The following L3MBTL4 variants were observed in gnomAD, a reference collection of about 807,000 sequenced individuals.
The protein encoded by L3MBTL4 is L3MBTL histone methyl-lysine binding protein 4.
In L3MBTL4, 70 loss-of-function variants were observed where a neutral mutation model predicts 84.5. The observed-to-expected ratio is 0.83, with a 90% confidence interval of 0.68 to 1.01. The LOEUF (loss-of-function observed/expected upper bound fraction) is 1.01. Among genes scored for constraint, L3MBTL4 ranks in the 50% least tolerant of loss-of-function variants. L3MBTL4 has a pLI of 0.00. For missense variants in L3MBTL4, 715 were observed against 754.8 expected (o/e 0.95, Z 0.62); for synonymous variants, 274 against 259.8 (o/e 1.05, Z -0.52).
At chr18:6,247,363 C>T (rs1404912096) in intron 5 of L3MBTL4, among the ~76,000 whole-genome samples, 2 of 151,362 alleles carry the variant, frequency 1.3e-5, no homozygotes, top group South Asian at 2.1e-4. Context: ...TACGAGTTGA[C>T]GAGCCTCTTC....
intron 16 of L3MBTL4, among the ~76,000 whole-genome samples, chr18:6,072,865 C>CAAAAA (rs71370542): frequency 3.3e-4 from 1 of 3,066 alleles, no homozygotes; most frequent in Non-Finnish European, 3.8e-4. Flanking sequence ...GACTCCGTCT[C>CAAAAA]AAAAAAAAAA....
Position 6,137,557 on chromosome 18 carries a change from A to G in L3MBTL4, c.1199+637T>C, listed in dbSNP as rs375426859. ...ATATTTGTGTATTTGAACAAATTTGATATTAATTCTTTCAGTCTTAATTTA... is the reference window on the plus strand; with the variant it reads ...ATATTTGTGTATTTGAACAAATTTGGTATTAATTCTTTCAGTCTTAATTTA... On this transcript the variant is annotated intron_variant, in intron 14 of 18. Transcript: ENST00000317931. 1.4e-4 allele frequency among the ~76,000 whole-genome samples: 21 copies of G among 152,280 alleles called. No homozygotes were observed. In the East Asian group the frequency reaches 4.0e-3, roughly 29 times the overall value.
At chr18:5,989,535 T>C (rs1011120610) in intron 16 of L3MBTL4, among the ~76,000 whole-genome samples, 2 of 152,176 alleles carry the variant, frequency 1.3e-5, no homozygotes, top group South Asian at 4.1e-4. Flanking sequence ...TCCACAGATG[T>C]AAAACCATTG....
At chr18:6,008,632 C>A (rs981176452) in intron 16 of L3MBTL4, among the ~76,000 whole-genome samples, 1 of 152,148 alleles carries the variant, frequency 6.6e-6, no homozygotes, top group Admixed American at 6.5e-5. Flanking sequence ...CACATCTGAA[C>A]CTAAATGCCT....
chr18:6,402,051 T>C (rs2055535599), intron 1 of L3MBTL4, among the ~76,000 whole-genome samples: 1 of 152,230 alleles, frequency 6.6e-6, no homozygotes, highest in African/African-American at 2.4e-5. Context: ...AGACATGAAT[T>C]TCTGTTACTT....
intron 9 of L3MBTL4, 28 bp from the exon 10 acceptor site, chr18:6,238,068 T>C: frequency 6.3e-7 from 1 of 1,586,844 alleles, no homozygotes; most frequent in Non-Finnish European, 8.7e-7. Context: ...TATATTACGT[T>C]CCGTTTTACT....
At chr18:6,327,793 T>C (rs1354749329) in intron 1 of L3MBTL4, among the ~76,000 whole-genome samples, 1 of 152,082 alleles carries the variant, frequency 6.6e-6, no homozygotes, top group East Asian at 1.9e-4. Flanking sequence ...CTTCACTGCA[T>C]ATTTGAATAT....
At chr18:5,958,644 G>C (rs1479631123) in intron 18 of L3MBTL4, among the ~76,000 whole-genome samples, 1 of 152,160 alleles carries the variant, frequency 6.6e-6, no homozygotes, top group Non-Finnish European at 1.5e-5. Flanking sequence ...GCAAAGTTGG[G>C]ATTTCTGGCA....
At chr18:6,247,785 A>AT (rs1568377168) in intron 5 of L3MBTL4, among the ~76,000 whole-genome samples, 2 of 150,296 alleles carry the variant, frequency 1.3e-5, no homozygotes, top group Non-Finnish European at 3.0e-5. Flanking sequence ...CCTTCCTCTG[A>AT]TTTTTTGACT....
intron 10 of L3MBTL4, among the ~76,000 whole-genome samples, chr18:6,216,344 A>G (rs2046325705): frequency 6.6e-6 from 1 of 152,228 alleles, no homozygotes; most frequent in African/African-American, 2.4e-5. Context: ...TATATTGAAC[A>G]TGATATAAAG....
intron 1 of L3MBTL4, among the ~76,000 whole-genome samples, chr18:6,329,065 T>C (rs560118513): frequency 6.6e-6 from 1 of 152,254 alleles, no homozygotes; most frequent in East Asian, 1.9e-4. Context: ...CCTTGGTCAC[T>C]ACTTCAATCA....
intron 4 of L3MBTL4, among the ~76,000 whole-genome samples, chr18:6,272,298 TG>T (rs1414926795): frequency 2.0e-5 from 3 of 152,124 alleles, no homozygotes; most frequent in African/African-American, 7.2e-5. Flanking sequence ...GGGAAGAAGA[TG>T]GGAGGGCACC....
chr18:6,088,104 C>G (rs182597859), intron 15 of L3MBTL4, among the ~76,000 whole-genome samples: 30 of 152,304 alleles, frequency 2.0e-4, no homozygotes, highest in Admixed American at 3.3e-4. Flanking sequence ...GCACAACAAA[C>G]TATTAAAAAG....
chr18:6,152,257 T>A, intron 13 of L3MBTL4, among the ~76,000 whole-genome samples: 1 of 152,272 alleles, frequency 6.6e-6, no homozygotes, highest in Non-Finnish European at 1.5e-5. Flanking sequence ...AAAAGAGGGA[T>A]TGCTGGATCT....
chr18:6,256,234 T>A (rs1377005749), intron 5 of L3MBTL4, among the ~76,000 whole-genome samples: 1 of 152,216 alleles, frequency 6.6e-6, no homozygotes, highest in Non-Finnish European at 1.5e-5. Flanking sequence ...TCTTTCAGAT[T>A]CTATTTAATG....
chr18:6,149,380 A>C (rs2042791883), intron 13 of L3MBTL4, among the ~76,000 whole-genome samples: 3 of 151,814 alleles, frequency 2.0e-5, no homozygotes. Flanking sequence ...ACATGAACTC[A>C]TCATTTTTTA....
At chr18:6,031,969 A>AT (rs201134716) in intron 16 of L3MBTL4, 10,929 of 485,548 alleles carry the variant, frequency 0.023, 169 homozygotes, top group Non-Finnish European at 0.026. Flanking sequence ...CCTTTCCACC[A>AT]TTTTTTCTTT....
At chr18:6,338,529 A>G (rs928731203) in intron 1 of L3MBTL4, among the ~76,000 whole-genome samples, 3 of 152,090 alleles carry the variant, frequency 2.0e-5, no homozygotes, top group Non-Finnish European at 4.4e-5. Flanking sequence ...AAGAAAGGAT[A>G]GAGATTTCTA....
intron 16 of L3MBTL4, among the ~76,000 whole-genome samples, chr18:6,016,233 G>A (rs144358323): frequency 7.9e-5 from 12 of 152,264 alleles, no homozygotes; most frequent in East Asian, 1.9e-4. Context: ...GCAGGGGCAC[G>A]GATGGAGCCT....
Sources: allele counts gnomAD v4.1 joint callset (sites outside exome capture counted in the v4.1 genomes callset), GRCh38; gene constraint gnomAD v4.1.1; transcripts MANE v1.5; gene names NCBI Gene and HGNC (gene_info 2026-07-23, HGNC 2026-07-21).